Variants in CNTN1 observed in about 807,000 individuals in gnomAD.
CNTN1 encodes contactin 1, also known as contactin-1.
In CNTN1, 38 loss-of-function variants were observed where a neutral mutation model predicts 126.4. The observed-to-expected ratio is 0.30, with a 90% confidence interval of 0.23 to 0.39. The LOEUF is 0.39. Ranked by LOEUF, CNTN1 falls within the 10% of genes least tolerant of loss-of-function variation. The pLI, the probability that CNTN1 is intolerant of heterozygous loss-of-function variation, is 1.00. For synonymous variants in CNTN1, 413 were observed against 422.6 expected, an observed-to-expected ratio of 0.98 and a Z score of 0.28; for missense variants, 1,009 against 1,248.4, an observed-to-expected ratio of 0.81 and a Z score of 2.89.
chr12:40,804,036 G>A (rs1940752769), intron 1 of CNTN1, among the ~76,000 whole-genome samples: 1 of 151,972 alleles, frequency 6.6e-6, no homozygotes, highest in Admixed American at 6.6e-5. Context: ...AATTTATCTA[G>A]TTCCAAACTT....
At chr12:41,029,716 G>C (rs1949103764) in intron 23 of CNTN1, among the ~76,000 whole-genome samples, 1 of 151,910 alleles carries the variant, frequency 6.6e-6, no homozygotes, top group Non-Finnish European at 1.5e-5. Context: ...AATACACTAG[G>C]CTATTTTTAA....
intron 23 of CNTN1, among the ~76,000 whole-genome samples, chr12:41,033,411 A>G (rs189753229): frequency 1.7e-4 from 26 of 152,320 alleles, no homozygotes; most frequent in African/African-American, 5.8e-4. Flanking sequence ...TTAGAATATC[A>G]ATTGACAAGG....
intron 1 of CNTN1, among the ~76,000 whole-genome samples, chr12:40,720,060 T>A (rs1942156003): frequency 6.7e-6 from 1 of 148,238 alleles, no homozygotes; most frequent in Non-Finnish European, 1.5e-5. Flanking sequence ...ACCATGTTGG[T>A]CAGCCTGGTC....
intron 1 of CNTN1, among the ~76,000 whole-genome samples, chr12:40,861,717 C>T (rs1156685972): frequency 6.6e-6 from 1 of 152,114 alleles, no homozygotes; most frequent in Non-Finnish European, 1.5e-5. Context: ...TCAGTTTACT[C>T]ATTAATTTTT....
At chr12:41,056,935 A>AAATATTTAGATATTTAT (rs1566234007) in intron 23 of CNTN1, among the ~76,000 whole-genome samples, 16 of 100,292 alleles carry the variant, frequency 1.6e-4, no homozygotes, top group Non-Finnish European at 2.8e-4. Context: ...AGATATTTAT[A>AAATATTTAGATATTTAT]AATATTTATA....
chr12:41,028,031 G>A, intron 22 of CNTN1, 62 bp downstream of exon 22: 1 of 1,218,954 alleles, frequency 8.2e-7, no homozygotes, highest in Non-Finnish European at 1.2e-6. Context: ...AACCCAAGAT[G>A]GGTTTCTTTT....
At chr12:40,872,097 A>C (rs189120954) in intron 1 of CNTN1, among the ~76,000 whole-genome samples, 13 of 152,224 alleles carry the variant, frequency 8.5e-5, no homozygotes, top group Admixed American at 8.5e-4. Context: ...TTATAGTAGG[A>C]GAAAATTGAG....
intron 16 of CNTN1, among the ~76,000 whole-genome samples, chr12:40,991,822 C>T (rs562126177): frequency 3.3e-5 from 5 of 150,712 alleles, no homozygotes; most frequent in African/African-American, 4.9e-5. Context: ...AGTGAGACTC[C>T]GTCTCAAAAC....
Position 41,016,755 on chromosome 12 carries a change from A to G in CNTN1, c.2258A>G (p.Glu753Gly). 1 of 1,614,168 alleles carries G rather than the reference A, an allele frequency of 6.2e-7. No homozygotes were observed. The highest frequency in any genetic ancestry group is 8.5e-7 in the Non-Finnish European group (1 of 1,180,006). The change falls in exon 19 of 24, where the codon GAA becomes GGA. Residue 753 changes from glutamate to glycine, a missense_variant. By Grantham distance (98) the Glu-to-Gly change is moderately conservative. Transcript: ENST00000551295. ...GCATTTAAGCCATTTGATGGAGAAG[A>G]ATGGAAAAAAGTCACAGTTACTAAT... ...IVAFKPFDGE[E>G]WKKVTVTNPD...
intron 1 of CNTN1, among the ~76,000 whole-genome samples, chr12:40,857,983 T>C (rs962676017): frequency 9.9e-5 from 15 of 152,164 alleles, no homozygotes; most frequent in African/African-American, 3.6e-4. Flanking sequence ...TTCTTTGGGT[T>C]AGGAGCATGG....
At position 40,737,359 on chromosome 12, in the gene CNTN1, G is replaced by GTGTATATATATA. The variant is rs1304140380; in HGVS notation, c.-77+44768_-77+44769insGTATATATATAT. Among the ~76,000 whole-genome samples, 140 of 113,254 alleles carry GTGTATATATATA rather than the reference G, an allele frequency of 1.2e-3. 1 individual carries two copies. Among genetic ancestry groups the GTGTATATATATA allele is most frequent in the African/African-American group, 4.2e-3 (124 of 29,744 alleles). The allele number at this position is 113,254 out of a possible 152,430, so 74.3% of individuals were successfully genotyped here. A position where few individuals can be genotyped will look rare whatever the true frequency, so the allele number is the denominator to read the frequency against. On this transcript the variant is annotated intron_variant, in intron 1 of 23. Transcript: ENST00000551295. ...TGTGTGTGTGTATATATGTGTGTGT[G>GTGTATATATATA]TATATATATATATATATATATATGA...
intron 6 of CNTN1, among the ~76,000 whole-genome samples, chr12:40,925,338 T>A (rs151324559): frequency 1.1e-3 from 162 of 151,898 alleles, no homozygotes; most frequent in African/African-American, 3.7e-3. Flanking sequence ...TTAAAAATCA[T>A]GTTTCTATTC....
At chr12:40,857,021 A>T (rs897128267) in intron 1 of CNTN1, among the ~76,000 whole-genome samples, 10 of 152,252 alleles carry the variant, frequency 6.6e-5, no homozygotes, top group Admixed American at 6.5e-4. Flanking sequence ...GAAACTATTG[A>T]CATACATATT....
chr12:40,725,429 G>GAA (rs60290681), intron 1 of CNTN1, among the ~76,000 whole-genome samples: 61 of 128,308 alleles, frequency 4.8e-4, no homozygotes, highest in African/African-American at 1.5e-3. Context: ...AAAAAGGAAA[G>GAA]AAAAAAAAAG....
chr12:40,809,814 T>TCACACACA (rs3223354), intron 1 of CNTN1, among the ~76,000 whole-genome samples: 11,760 of 146,708 alleles, frequency 0.08, 506 homozygotes, highest in Middle Eastern at 0.15. Flanking sequence ...AGACTCTGTC[T>TCACACACA]CACACACACA....
At chr12:40,812,996 C>CCTTTCTTT (rs1941122561) in intron 1 of CNTN1, among the ~76,000 whole-genome samples, 2 of 130,174 alleles carry the variant, frequency 1.5e-5, no homozygotes, top group Middle Eastern at 8.5e-3. Context: ...TTCCTTCCAT[C>CCTTTCTTT]CTTTTTCCTT....
chr12:40,947,582 C>A (rs543821040), intron 14 of CNTN1, among the ~76,000 whole-genome samples: 13 of 151,832 alleles, frequency 8.6e-5, no homozygotes, highest in Non-Finnish European at 1.6e-4. Context: ...TTAAATATCT[C>A]ATTTTATTCC....
intron 16 of CNTN1, among the ~76,000 whole-genome samples, chr12:40,984,898 A>T (rs1947914465): frequency 6.6e-6 from 1 of 152,114 alleles, no homozygotes; most frequent in East Asian, 1.9e-4. Flanking sequence ...GTTTTCTACA[A>T]TTACTTTTAA....
chr12:40,914,594 T>A (rs1296512071), intron 3 of CNTN1, among the ~76,000 whole-genome samples: 2 of 152,180 alleles, frequency 1.3e-5, no homozygotes, highest in Admixed American at 6.5e-5. Flanking sequence ...GTGAAGTGTG[T>A]CCTATTCTGC....
Sources: allele counts gnomAD v4.1 joint callset (sites outside exome capture counted in the v4.1 genomes callset), GRCh38; gene constraint gnomAD v4.1.1; transcripts MANE v1.5; gene names NCBI Gene and HGNC (gene_info 2026-07-23, HGNC 2026-07-21).